GNAQ: variants seen among roughly 807,000 people sequenced by gnomAD.
GNAQ encodes the protein G protein subunit alpha q.
GNAQ carries 8 observed loss-of-function variants against 43.9 expected under a neutral mutation model. That is an observed-to-expected ratio of 0.18 (90% CI 0.11 to 0.33). The LOEUF (loss-of-function observed/expected upper bound fraction) is 0.33. Ranked by LOEUF, GNAQ falls within the 10% of genes least tolerant of loss-of-function variation. GNAQ has a pLI of 1.00. For missense variants in GNAQ, 158 were observed against 450.8 expected (o/e 0.35, Z 5.88); for synonymous variants, 155 against 170.7 (o/e 0.91, Z 0.71).
chr9:77,976,808 G>A (rs1823308742), intron 1 of GNAQ, among the ~76,000 whole-genome samples: 1 of 152,192 alleles, frequency 6.6e-6, no homozygotes, highest in Non-Finnish European at 1.5e-5. Flanking sequence ...AAAACTGGAA[G>A]CTCTGGCAAG....
intron 5 of GNAQ, among the ~76,000 whole-genome samples, chr9:77,782,182 TA>T (rs1564109116): frequency 6.6e-6 from 1 of 151,280 alleles, no homozygotes; most frequent in African/African-American, 2.4e-5. Flanking sequence ...AGTATAATAA[TA>T]AAAGAAAAGC....
At chr9:78,024,591 G>A (rs533298557) in intron 1 of GNAQ, among the ~76,000 whole-genome samples, 1 of 152,216 alleles carries the variant, frequency 6.6e-6, no homozygotes, top group South Asian at 2.1e-4. Context: ...AGATTATTTT[G>A]TCTCTTTCTG....
At chr9:77,948,518 G>T (rs372567063) in intron 1 of GNAQ, among the ~76,000 whole-genome samples, 8 of 152,294 alleles carry the variant, frequency 5.3e-5, no homozygotes, top group Non-Finnish European at 8.8e-5. Context: ...GGACACAGAG[G>T]GGGGGCAGAT....
intron 5 of GNAQ, among the ~76,000 whole-genome samples, chr9:77,771,212 A>G (rs1447069599): frequency 6.6e-6 from 1 of 152,142 alleles, no homozygotes; most frequent in Non-Finnish European, 1.5e-5. Context: ...TTGACAGTCT[A>G]TTTAAGGGAT....
Position 77,742,461 on chromosome 9 carries a change from T to G in GNAQ, c.736-13794A>C, listed in dbSNP as rs143526169. On this transcript the variant is annotated intron_variant, in intron 5 of 6. Transcript: ENST00000286548. ...TATTTTGCCCCAAATAAGAGTTTTC[T>G]TCTTCTCTTTACTCTTTTAAGAAAA... Among the ~76,000 whole-genome samples the G allele has an allele frequency of 1.4e-3, 212 of 152,332 alleles. 1 individual carries two copies. Among genetic ancestry groups the G allele is most frequent in the African/African-American group, 3.8e-3 (157 of 41,580 alleles).
At chr9:77,975,543 T>C (rs1022661139) in intron 1 of GNAQ, among the ~76,000 whole-genome samples, 6 of 148,306 alleles carry the variant, frequency 4.0e-5, no homozygotes, top group Non-Finnish European at 8.9e-5. Flanking sequence ...CCCCTTTTTT[T>C]TTTTTTTTTT....
intron 1 of GNAQ, among the ~76,000 whole-genome samples, chr9:77,939,862 G>T: frequency 6.6e-6 from 1 of 152,136 alleles, no homozygotes; most frequent in Non-Finnish European, 1.5e-5. Flanking sequence ...TGGCAAGCCT[G>T]ATTTCTGCAC....
intron 5 of GNAQ, among the ~76,000 whole-genome samples, chr9:77,752,691 C>A (rs544197798): frequency 6.6e-6 from 1 of 152,204 alleles, no homozygotes; most frequent in African/African-American, 2.4e-5. Context: ...CACCTCAACA[C>A]TGAAGTATGT....
At chr9:77,959,216 C>T (rs1823078136) in intron 1 of GNAQ, among the ~76,000 whole-genome samples, 1 of 152,180 alleles carries the variant, frequency 6.6e-6, no homozygotes, top group Non-Finnish European at 1.5e-5. Context: ...TTCTGTTCTA[C>T]TCACATTGTC....
intron 3 of GNAQ, among the ~76,000 whole-genome samples, chr9:77,810,207 CATCTATCTATCT>C (rs10578686): frequency 0.21 from 30,728 of 144,710 alleles, 3,462 homozygotes; most frequent in African/African-American, 0.27. Context: ...AACTGTCAAT[CATCTATCTATCT>C]ATCTATCTAT....
chr9:77,978,799 C>T (rs1337354834), intron 1 of GNAQ, among the ~76,000 whole-genome samples: 2 of 152,204 alleles, frequency 1.3e-5, no homozygotes, highest in Non-Finnish European at 2.9e-5. Context: ...GTGGCTCACG[C>T]CTATAATCCC....
Position 78,021,861 on chromosome 9 carries a change from A to C in GNAQ, c.136+9239T>G, listed in dbSNP as rs10123509. ...GGAAGCTGCTTGAGGATACGGAAGA[A>C]AAGACCCAGTCCTGAGCCGAGCAGC... is the stretch of plus-strand genomic sequence containing the variant. On this transcript the variant is annotated intron_variant, in intron 1 of 6. Transcript: ENST00000286548. Among the ~76,000 whole-genome samples, 925 of 152,382 alleles carry C rather than the reference A, an allele frequency of 6.1e-3. 10 individuals are homozygous for C. The highest frequency in any genetic ancestry group is 0.021 in the African/African-American group (889 of 41,590).
At chr9:77,831,697 A>G (rs533088676) in intron 2 of GNAQ, among the ~76,000 whole-genome samples, 1 of 152,316 alleles carries the variant, frequency 6.6e-6, no homozygotes, top group Admixed American at 6.5e-5. Context: ...CTGTGCCTGT[A>G]AAAATGCCCA....
At chr9:77,776,619 AAC>A (rs1564107618) in intron 5 of GNAQ, among the ~76,000 whole-genome samples, 2 of 152,222 alleles carry the variant, frequency 1.3e-5, no homozygotes, top group African/African-American at 2.4e-5. Context: ...TGAAAGAAGA[AAC>A]AGACAATTCA....
At chr9:77,761,206 C>A (rs1253913937) in intron 5 of GNAQ, among the ~76,000 whole-genome samples, 9 of 141,392 alleles carry the variant, frequency 6.4e-5, no homozygotes, top group Admixed American at 4.8e-4. Flanking sequence ...GGCGCCTCTG[C>A]CCAGCTGCCC....
chr9:77,835,006 C>G (rs1341562309), intron 2 of GNAQ, among the ~76,000 whole-genome samples: 1 of 152,002 alleles, frequency 6.6e-6, no homozygotes, highest in Non-Finnish European at 1.5e-5. Context: ...CATTTCAAGG[C>G]CCCCAGTGGA....
At chr9:77,889,317 G>A (rs1221932677) in intron 2 of GNAQ, among the ~76,000 whole-genome samples, 3 of 149,984 alleles carry the variant, frequency 2.0e-5, no homozygotes, top group African/African-American at 7.4e-5. Flanking sequence ...AGGTTGAGGT[G>A]GGAGGACTGC....
chr9:77,793,628 A>G (rs1826611055), intron 5 of GNAQ, among the ~76,000 whole-genome samples: 1 of 152,044 alleles, frequency 6.6e-6, no homozygotes, highest in African/African-American at 2.4e-5. Flanking sequence ...GATATTTAAT[A>G]TTTATTATTA....
intron 1 of GNAQ, among the ~76,000 whole-genome samples, chr9:78,021,643 G>A (rs1461254367): frequency 6.6e-6 from 1 of 152,166 alleles, no homozygotes; most frequent in African/African-American, 2.4e-5. Context: ...GCCCTGCTGG[G>A]CATTCCCAGT....
Sources: allele counts gnomAD v4.1 joint callset (sites outside exome capture counted in the v4.1 genomes callset), GRCh38; gene constraint gnomAD v4.1.1; transcripts MANE v1.5; gene names NCBI Gene and HGNC (gene_info 2026-07-23, HGNC 2026-07-21).